IL6ST: variants seen among roughly 807,000 people sequenced by gnomAD.
The protein encoded by IL6ST is interleukin-6 receptor subunit beta.
In IL6ST, 24 loss-of-function variants were observed where a neutral mutation model predicts 91.3. The observed-to-expected ratio is 0.26, with a 90% CI of 0.19 to 0.37. The LOEUF (loss-of-function observed/expected upper bound fraction) is 0.37. IL6ST is among the 10% of genes least tolerant of loss of function. The pLI, the probability that IL6ST is intolerant of heterozygous loss-of-function variation, is 1.00. For synonymous variants in IL6ST, 351 were observed against 373.6 expected (o/e 0.94, Z 0.70); for missense variants, 914 against 1,078.5 (o/e 0.85, Z 2.14).
intron 3 of IL6ST, among the ~76,000 whole-genome samples, chr5:55,973,762 G>A (rs888149861): frequency 6.6e-6 from 1 of 152,162 alleles, no homozygotes. Flanking sequence ...GTATTTGTGA[G>A]GCAGCAACAG....
chr5:55,967,806 A>G (rs918522616), intron 5 of IL6ST, among the ~76,000 whole-genome samples: 55 of 151,474 alleles, frequency 3.6e-4, no homozygotes, highest in Non-Finnish European at 8.9e-5. Context: ...TTATTTATTT[A>G]TTTTTTTTGA....
At chr5:55,980,081 G>A (rs1048143059) in intron 2 of IL6ST, among the ~76,000 whole-genome samples, 4 of 151,112 alleles carry the variant, frequency 2.6e-5, no homozygotes, top group South Asian at 2.1e-4. Flanking sequence ...ACACACATTC[G>A]TTTTTTTATA....
chr5:55,941,460 T>C lies in IL6ST; in HGVS notation c.2379A>G (p.Pro793=). 1.2e-6 allele frequency: 2 copies of C among 1,614,192 alleles called. No individual in the cohort carries two copies. The highest frequency in any genetic ancestry group is 1.3e-5 in the African/African-American group (1 of 75,058). Reference sequence around the variant, plus strand: ...CATGATCTACTAATTGTAGATCTTCTGGCCGCTCCTCTGAATCTAACAAGG... The same window carrying C: ...CATGATCTACTAATTGTAGATCTTCCGGCCGCTCCTCTGAATCTAACAAGG... ...TQPLLDSEER[P]EDLQLVDHVD... The change falls in exon 17 of 17, where the codon CCA becomes CCG. Residue 793 remains proline, a synonymous_variant. Transcript: ENST00000381298.
intron 5 of IL6ST, 102 bp from the exon 6 acceptor site, chr5:55,964,414 T>A: frequency 1.4e-6 from 1 of 700,680 alleles, no homozygotes; most frequent in South Asian, 2.1e-5. Context: ...TAGATTGTTG[T>A]AGCAAACTTT....
rs532982861 is a variant in IL6ST at position 55,936,300 on chromosome 5, G to A, written c.*4782C>T. ...GGTGGGCACAGACAGGCCACAAGAT[G>A]GCGCAGCACCTCCATACTTGGGCTC... On this transcript the variant is annotated 3_prime_UTR_variant, in exon 17 of 17. Transcript: ENST00000381298. 3.7e-4 allele frequency: 83 copies of A among 224,150 alleles called. No homozygotes were observed. The highest frequency in any genetic ancestry group is 1.8e-3 in the African/African-American group (78 of 44,550). 13.9% of individuals were successfully genotyped at this position (224,150 alleles called of 1,614,324 possible).
intron 1 of IL6ST, among the ~76,000 whole-genome samples, chr5:55,988,194 A>G (rs977628991): frequency 2.0e-5 from 3 of 152,100 alleles, no homozygotes; most frequent in Admixed American, 1.3e-4. Context: ...AAAGGTAAAA[A>G]TTAGAAGCGT....
At position 55,948,353 on chromosome 5, in the gene IL6ST, C is replaced by G. The variant is rs183136815; in HGVS notation, c.1841-764G>C. On this transcript the variant is annotated intron_variant, in intron 14 of 16. Coordinates refer to ENST00000381298, the MANE Select transcript of IL6ST (RefSeq NM_002184.4). ...ATTTTGAATTTTACTTAGTCTTTTA[C>G]AGTAAAAAATGTATGAAAGTAATAT... Among the ~76,000 whole-genome samples the G allele has an allele frequency of 1.1e-4, 16 of 152,154 alleles. No homozygotes were observed. In the East Asian group the frequency reaches 2.9e-3, roughly 28 times the overall value.
intron 4 of IL6ST, 44 bp downstream of exon 4, chr5:55,969,506 A>G (rs1439214709): frequency 7.7e-7 from 1 of 1,292,624 alleles, no homozygotes; most frequent in East Asian, 2.3e-5. Context: ...AATGCAGTTC[A>G]ATAGTCATGA....
intron 2 of IL6ST, among the ~76,000 whole-genome samples, chr5:55,977,631 G>A (rs1753384681): frequency 6.6e-6 from 1 of 152,112 alleles, no homozygotes; most frequent in Admixed American, 6.5e-5. Context: ...TTCGAGACGA[G>A]CCTGGCCAAC....
intron 15 of IL6ST, 102 bp from the exon 16 acceptor site, chr5:55,942,853 C>A: frequency 1.6e-6 from 1 of 617,548 alleles, no homozygotes; most frequent in Non-Finnish European, 2.9e-6. Flanking sequence ...CAAACCAAAC[C>A]AATTACCTAA....
intron 3 of IL6ST, among the ~76,000 whole-genome samples, chr5:55,972,408 A>G (rs945790304): frequency 2.0e-5 from 3 of 152,004 alleles, no homozygotes; most frequent in African/African-American, 7.3e-5. Flanking sequence ...GCTACTTGGG[A>G]GGCTGAGGCA....
chr5:55,985,774 G>A (rs542620361), intron 1 of IL6ST, among the ~76,000 whole-genome samples: 1 of 152,152 alleles, frequency 6.6e-6, no homozygotes, highest in Non-Finnish European at 1.5e-5. Flanking sequence ...GGGTCTATTT[G>A]GCTACTCTCA....
At chr5:55,962,254 G>GA (rs1752363175) in intron 7 of IL6ST, among the ~76,000 whole-genome samples, 1 of 152,102 alleles carries the variant, frequency 6.6e-6, no homozygotes, top group Non-Finnish European at 1.5e-5. Context: ...TGTATTCTGA[G>GA]CACTTTAGAT....
Position 55,936,458 on chromosome 5 carries a change from CTA to C in IL6ST, c.*4622_*4623del, listed in dbSNP as rs1174154501. On this transcript the variant is annotated 3_prime_UTR_variant, in exon 17 of 17. Transcript: ENST00000381298. Reference sequence around the variant, plus strand: ...AGTGGATAAATTTGCCATCTCCATTCTATGTTATTAAGACCAAGATAGTGTAC... The same window carrying C: ...AGTGGATAAATTTGCCATCTCCATTCTGTTATTAAGACCAAGATAGTGTAC... 1 of 205,416 alleles carries C rather than the reference CTA, an allele frequency of 4.9e-6. No individual in the cohort carries two copies. The highest frequency in any genetic ancestry group is 2.3e-5 in the African/African-American group (1 of 42,810). 12.7% of individuals were successfully genotyped at this position (205,416 alleles called of 1,614,324 possible).
At chr5:55,965,655 T>A (rs369845043) in intron 5 of IL6ST, among the ~76,000 whole-genome samples, 1 of 151,888 alleles carries the variant, frequency 6.6e-6, no homozygotes, top group African/African-American at 2.4e-5. Flanking sequence ...TGTAAAAGCA[T>A]GTTATATCAG....
chr5:55,976,303 ACACATGT>A lies in IL6ST; in HGVS notation c.-15-17_-15-11del. On this transcript the variant is annotated splice_polypyrimidine_tract_variant and intron_variant, in intron 2 of 16. Coordinates refer to ENST00000381298, the MANE Select transcript of IL6ST (RefSeq NM_002184.4). ...TCTTGCGCGGATATTTCTGCAACAGACACATGTAATATTACTTTTAATATTTTTTCTC... is the reference window on the plus strand; with the variant it reads ...TCTTGCGCGGATATTTCTGCAACAGAAATATTACTTTTAATATTTTTTCTC... 6.6e-7 allele frequency: 1 copy of A among 1,520,092 alleles called. No homozygotes were observed. Among genetic ancestry groups the A allele is most frequent in the Non-Finnish European group, 9.0e-7 (1 of 1,114,180 alleles). The allele number at this position is 1,520,092 out of a possible 1,614,324, so 94.2% of individuals were successfully genotyped here. A position where few individuals can be genotyped will look rare whatever the true frequency, so the allele number is the denominator to read the frequency against.
chr5:55,964,677 T>C (rs1291964435), intron 5 of IL6ST, among the ~76,000 whole-genome samples: 1 of 152,192 alleles, frequency 6.6e-6, no homozygotes, highest in East Asian at 1.9e-4. Flanking sequence ...AAGCACAATA[T>C]GCTAGAAGGT....
chr5:55,978,357 T>A (rs1159188774), intron 2 of IL6ST: 1 of 152,188 alleles, frequency 6.6e-6, no homozygotes, highest in Non-Finnish European at 1.5e-5. Context: ...AGGGAGACAT[T>A]ATCTGTATCT....
chr5:55,951,848 T>C, intron 13 of IL6ST, 81 bp downstream of exon 13: 2 of 909,992 alleles, frequency 2.2e-6, no homozygotes, highest in Non-Finnish European at 3.3e-6. Flanking sequence ...ATAAGATGTA[T>C]AAGAAGAACA....
Sources: gnomAD v4.1 joint callset for allele counts (sites outside exome capture counted in the v4.1 genomes callset) on GRCh38, gnomAD v4.1.1 for gene constraint, MANE v1.5 for transcripts, NCBI Gene and HGNC (gene_info 2026-07-23, HGNC 2026-07-21) for gene names.